Variants in ARID1B observed in about 807,000 individuals in gnomAD.
ARID1B encodes the protein AT-rich interaction domain 1B, also known as AT-rich interactive domain-containing protein 1B.
In ARID1B, 30 loss-of-function variants were observed where a neutral mutation model predicts 212.3. The observed-to-expected ratio is 0.14, with a 90% CI of 0.11 to 0.19. The LOEUF is 0.19. Ranked by LOEUF, ARID1B falls within the 10% of genes least tolerant of loss-of-function variation. ARID1B has a pLI of 1.00. For synonymous variants in ARID1B, 1,402 were observed against 1,301.7 expected, an observed-to-expected ratio of 1.08 and a Z score of -1.66; for missense variants, 2,891 against 3,204.0, an observed-to-expected ratio of 0.90 and a Z score of 2.36.
chr6:157,153,483 T>TA (rs1168737760), intron 8 of ARID1B, among the ~76,000 whole-genome samples: 1 of 152,234 alleles, frequency 6.6e-6, no homozygotes, highest in African/African-American at 2.4e-5. Flanking sequence ...GAGTTGGAAA[T>TA]ACTAGCTGAT....
intron 4 of ARID1B, among the ~76,000 whole-genome samples, chr6:157,071,017 T>C (rs961384161): frequency 6.6e-6 from 1 of 152,250 alleles, no homozygotes; most frequent in African/African-American, 2.4e-5. Context: ...TCGGAGCAGA[T>C]TGCTGTGCTC....
chr6:156,959,183 G>A (rs1439056316), intron 4 of ARID1B, among the ~76,000 whole-genome samples: 1 of 152,178 alleles, frequency 6.6e-6, no homozygotes, highest in Non-Finnish European at 1.5e-5. Context: ...TGGGAAGGGT[G>A]AGTGTGGGAA....
rs184061800 is a variant in ARID1B at position 157,029,404 on chromosome 6, C to T, written c.2248-55258C>T. 2.9e-3 allele frequency among the ~76,000 whole-genome samples: 441 copies of T among 152,346 alleles called. 6 individuals carry two copies. The highest frequency in any genetic ancestry group is 4.7e-3 in the Non-Finnish European group (320 of 68,036). ...GTTTTGTTATAGTCTTTAGCGCATT[C>T]ATTCATATACATTTATTCAACAAAT... On this transcript the variant is annotated intron_variant, in intron 4 of 19. Transcript: ENST00000636930.
At chr6:156,859,192 C>T (rs772964217) in intron 2 of ARID1B, among the ~76,000 whole-genome samples, 3 of 152,156 alleles carry the variant, frequency 2.0e-5, no homozygotes, top group Non-Finnish European at 4.4e-5. Context: ...CAGCTCACTG[C>T]AACCTCCGCC....
intron 2 of ARID1B, among the ~76,000 whole-genome samples, chr6:156,856,066 C>A (rs928746249): frequency 3.9e-5 from 6 of 152,122 alleles, no homozygotes; most frequent in Non-Finnish European, 5.9e-5. Flanking sequence ...ACTTTCTGGA[C>A]CCCTGCTTCT....
rs1779118895 is a variant in ARID1B, at chr6:157,004,890, C to CTTTTTTGTTTTTTTTTTTTTTTTTTTTTT, written c.2247+69320_2247+69321insGTTTTTTTTTTTTTTTTTTTTTTTTTTTT. Among the ~76,000 whole-genome samples, 19 of 35,684 alleles carry CTTTTTTGTTTTTTTTTTTTTTTTTTTTTT rather than the reference C, an allele frequency of 5.3e-4. 8 individuals are homozygous for CTTTTTTGTTTTTTTTTTTTTTTTTTTTTT. Among genetic ancestry groups the CTTTTTTGTTTTTTTTTTTTTTTTTTTTTT allele is most frequent in the African/African-American group, 7.2e-4 (11 of 15,376 alleles). The allele number at this position is 35,684 out of a possible 152,430, so 23.4% of individuals were successfully genotyped here. On this transcript the variant is annotated intron_variant, in intron 4 of 19. Coordinates refer to ENST00000636930, the MANE Select transcript of ARID1B (RefSeq NM_001374828.1). The stretch of plus-strand genomic sequence containing the variant: ...GCATTTCTTTTTTCTTTTTCTTCTT[C>CTTTTTTGTTTTTTTTTTTTTTTTTTTTTT]TTTTTTCTTTTTTTTTTTTTTTTTT...
chr6:156,960,316 G>T (rs756688614), intron 4 of ARID1B, among the ~76,000 whole-genome samples: 1 of 152,102 alleles, frequency 6.6e-6, no homozygotes, highest in East Asian at 1.9e-4. Context: ...ATGTCCTGCA[G>T]CATCTGTTTG....
chr6:157,020,904 T>TTC (rs1780195452), intron 4 of ARID1B, among the ~76,000 whole-genome samples: 2 of 152,244 alleles, frequency 1.3e-5, no homozygotes, highest in Non-Finnish European at 2.9e-5. Context: ...CTAGAAACGA[T>TTC]ACATTCTTAC....
intron 4 of ARID1B, among the ~76,000 whole-genome samples, chr6:157,079,175 T>A (rs1273086320): frequency 6.6e-6 from 1 of 152,188 alleles, no homozygotes; most frequent in Non-Finnish European, 1.5e-5. Context: ...GCCTAACAAT[T>A]AGTGCTTGGC....
intron 6 of ARID1B, among the ~76,000 whole-genome samples, chr6:157,118,830 G>A (rs1027153521): frequency 3.3e-5 from 5 of 152,198 alleles, no homozygotes; most frequent in East Asian, 1.9e-4. Context: ...AGCATCAGTC[G>A]AAGTTTTAGA....
At chr6:157,145,009 C>T (rs983441316) in intron 7 of ARID1B, among the ~76,000 whole-genome samples, 1 of 152,170 alleles carries the variant, frequency 6.6e-6, no homozygotes, top group Non-Finnish European at 1.5e-5. Context: ...GCGTGTGGCC[C>T]AGCGCACCCG....
chr6:156,940,778 A>G (rs1792612476), intron 4 of ARID1B: 1 of 152,192 alleles, frequency 6.6e-6, no homozygotes, highest in Non-Finnish European at 1.5e-5. Context: ...ATTTGATAAT[A>G]CTGTGAATGA....
chr6:157,159,579 G>C (rs529905849), intron 8 of ARID1B, among the ~76,000 whole-genome samples: 2 of 152,236 alleles, frequency 1.3e-5, no homozygotes, highest in Admixed American at 1.3e-4. Flanking sequence ...TGAGAAGTCT[G>C]TGTGAAGTAT....
intron 10 of ARID1B, 154 bp downstream of exon 10, chr6:157,174,271 T>C: frequency 3.2e-6 from 2 of 627,776 alleles, no homozygotes; most frequent in Non-Finnish European, 5.6e-6. Context: ...CTTCTTTTCT[T>C]TCCCCAGCCC....
At chr6:156,821,635 G>A (rs909603342) in intron 1 of ARID1B, among the ~76,000 whole-genome samples, 1 of 152,230 alleles carries the variant, frequency 6.6e-6, no homozygotes, top group African/African-American at 2.4e-5. Context: ...CTTTGGTCAG[G>A]CTGTCTTAAG....
At chr6:157,186,432 G>A (rs1792979933) in intron 13 of ARID1B, 2 of 471,030 alleles carry the variant, frequency 4.2e-6, no homozygotes, top group African/African-American at 2.0e-5. Context: ...AGCCCCGAGA[G>A]CGCGTGCAGG....
chr6:156,844,334 C>T (rs1784092267), intron 2 of ARID1B, among the ~76,000 whole-genome samples: 2 of 152,178 alleles, frequency 1.3e-5, no homozygotes. Flanking sequence ...AAGAAAATTC[C>T]TACTCTGTCT....
chr6:157,128,143 A>T (rs1788269451), intron 6 of ARID1B, among the ~76,000 whole-genome samples: 1 of 152,144 alleles, frequency 6.6e-6, no homozygotes, highest in Non-Finnish European at 1.5e-5. Flanking sequence ...GAATAGAAAT[A>T]CTTCATTTTT....
intron 1 of ARID1B, among the ~76,000 whole-genome samples, chr6:156,807,945 C>T (rs773766007): frequency 2.6e-5 from 4 of 152,148 alleles, no homozygotes; most frequent in South Asian, 2.1e-4. Flanking sequence ...CTGAGTCCTG[C>T]GTGACTTCCT....
Sources: allele counts gnomAD v4.1 joint callset (sites outside exome capture counted in the v4.1 genomes callset), GRCh38; gene constraint gnomAD v4.1.1; transcripts MANE v1.5; gene names NCBI Gene and HGNC (gene_info 2026-07-23, HGNC 2026-07-21).